The following PPP2R2B variants were observed in gnomAD, a reference collection of about 807,000 sequenced individuals.
The protein encoded by PPP2R2B is serine/threonine-protein phosphatase 2A 55 kDa regulatory subunit B beta isoform.
Under a neutral mutation model 46.0 loss-of-function variants are expected in PPP2R2B, and 5 were observed. That is an observed-to-expected ratio of 0.11 (90% confidence interval 0.06 to 0.23). The LOEUF (loss-of-function observed/expected upper bound fraction) is 0.23. Ranked by LOEUF, PPP2R2B falls within the 10% of genes least tolerant of loss-of-function variation. The pLI is 1.00. For synonymous variants in PPP2R2B, 215 were observed against 206.7 expected, an observed-to-expected ratio of 1.04 and a Z score of -0.34; for missense variants, 367 against 575.0, an observed-to-expected ratio of 0.64 and a Z score of 3.70.
chr5:146,845,681 A>G (rs609412), intron 2 of PPP2R2B, among the ~76,000 whole-genome samples: 54,217 of 152,096 alleles, frequency 0.36, 11,637 homozygotes, highest in East Asian at 0.59. Context: ...TCATGCTAAC[A>G]TAGTTGATGC....
chr5:146,808,191 C>T (rs1275877344), intron 2 of PPP2R2B, among the ~76,000 whole-genome samples: 7 of 152,048 alleles, frequency 4.6e-5, no homozygotes, highest in Admixed American at 2.0e-4. Flanking sequence ...AGGTTTGTGC[C>T]GTCCAATGGG....
intron 2 of PPP2R2B, chr5:146,706,892 G>A (rs1779895788): frequency 2.4e-6 from 3 of 1,270,228 alleles, no homozygotes; most frequent in African/African-American, 2.9e-5. Flanking sequence ...CACCACAGAC[G>A]TGTCCGAGAT....
At chr5:146,982,266 T>C (rs1753213729) in intron 1 of PPP2R2B, among the ~76,000 whole-genome samples, 1 of 152,216 alleles carries the variant, frequency 6.6e-6, no homozygotes, top group African/African-American at 2.4e-5. Flanking sequence ...GTTGTGTTTT[T>C]ATTTTCATTC....
In PPP2R2B at chr5:146,708,403, GTGTA is replaced by G. The variant is rs1301415166; in HGVS notation, c.71-7265_71-7262del. Among the ~76,000 whole-genome samples the G allele has an allele frequency of 7.1e-3, 830 of 117,296 alleles. 7 individuals are homozygous for G. The highest frequency in any genetic ancestry group is 0.026 in the African/African-American group (778 of 29,512). 77.0% of individuals were successfully genotyped at this position (117,296 alleles called of 152,430 possible). ...TATCTGTATATCTATGTATGTGTGT[GTGTA>G]TGTGTGTGTGTGTGTGTGTGTGTGT... is the stretch of plus-strand genomic sequence containing the variant. On this transcript the variant is annotated intron_variant, in intron 2 of 9. Coordinates refer to ENST00000394411, the MANE Select transcript of PPP2R2B (RefSeq NM_181675.4).
chr5:146,799,930 G>T (rs941791100), intron 2 of PPP2R2B, among the ~76,000 whole-genome samples: 1 of 152,042 alleles, frequency 6.6e-6, no homozygotes, highest in African/African-American at 2.4e-5. Context: ...ATGTCTCCAT[G>T]GTACTTCTCA....
At chr5:146,882,220 C>T (rs1261373957), upstream of PPP2R2B, among the ~76,000 whole-genome samples, 2 of 150,804 alleles carry the variant, frequency 1.3e-5, no homozygotes, top group East Asian at 2.0e-4. Flanking sequence ...GAGGTTGCAT[C>T]GCACCACTGC....
upstream of PPP2R2B, among the ~76,000 whole-genome samples, chr5:146,880,177 TTTTG>T (rs1303290771): frequency 3.4e-5 from 4 of 116,252 alleles, no homozygotes; most frequent in Non-Finnish European, 7.0e-5. Context: ...GACATAGTTA[TTTTG>T]TGTGTGTGTG....
At chr5:146,846,147 A>C (rs1391437353) in intron 2 of PPP2R2B, among the ~76,000 whole-genome samples, 1 of 152,098 alleles carries the variant, frequency 6.6e-6, no homozygotes, top group Admixed American at 6.5e-5. Context: ...TGGGAGGCTG[A>C]GGTGAGTGGA....
At chr5:146,707,207 T>G in intron 2 of PPP2R2B, 2 of 1,571,202 alleles carry the variant, frequency 1.3e-6, no homozygotes, top group Non-Finnish European at 1.7e-6. Flanking sequence ...ATGTTGTCCA[T>G]GTTGCTCCCA....
intron 7 of PPP2R2B, among the ~76,000 whole-genome samples, chr5:146,629,230 T>C (rs188468651): frequency 3.7e-4 from 57 of 152,280 alleles, no homozygotes; most frequent in African/African-American, 1.2e-3. Context: ...TCTGGACACA[T>C]CCAAAAGAGA....
At chr5:146,638,765 A>C (rs1039545714) in intron 6 of PPP2R2B, among the ~76,000 whole-genome samples, 21 of 152,252 alleles carry the variant, frequency 1.4e-4, no homozygotes, top group Admixed American at 1.4e-3. Context: ...TTCTCATTTT[A>C]TAATAATGAT....
intron 1 of PPP2R2B, among the ~76,000 whole-genome samples, chr5:147,027,083 T>C (rs1314212506): frequency 6.6e-6 from 1 of 152,118 alleles, no homozygotes; most frequent in Non-Finnish European, 1.5e-5. Context: ...ATTCACACAA[T>C]AGAATACTAT....
At chr5:146,916,643 T>C (rs1396323408) in intron 1 of PPP2R2B, among the ~76,000 whole-genome samples, 2 of 152,060 alleles carry the variant, frequency 1.3e-5, no homozygotes, top group East Asian at 1.9e-4. Flanking sequence ...TCTGAGTGAG[T>C]CCATACTCAC....
chr5:146,674,771 C>G (rs1194540675), intron 5 of PPP2R2B, among the ~76,000 whole-genome samples: 1 of 152,162 alleles, frequency 6.6e-6, no homozygotes, highest in Non-Finnish European at 1.5e-5. Flanking sequence ...TAGTTTACAT[C>G]TATTCTGAAG....
At chr5:146,911,514 A>C (rs1763182242) in intron 1 of PPP2R2B, among the ~76,000 whole-genome samples, 1 of 152,188 alleles carries the variant, frequency 6.6e-6, no homozygotes, top group African/African-American at 2.4e-5. Flanking sequence ...TTGGTTGGCA[A>C]TTTATCCTCA....
chr5:146,695,287 AT>A (rs1038866828), intron 4 of PPP2R2B, among the ~76,000 whole-genome samples: 6 of 151,308 alleles, frequency 4.0e-5, no homozygotes, highest in East Asian at 1.9e-4. Context: ...GTTTTTCTAT[AT>A]TTTTTTTTCC....
rs537864735 is a variant in PPP2R2B, at chr5:146,644,482, G to T, written c.625+6065C>A. Among the ~76,000 whole-genome samples, 21 of 152,158 alleles carry T rather than the reference G, an allele frequency of 1.4e-4. No homozygotes were observed. In the South Asian group the frequency reaches 4.2e-3, roughly 30 times the overall value. On this transcript the variant is annotated intron_variant, in intron 6 of 9. Transcript: ENST00000394411. ...CTACAATGAATACATATTAAACAAAGAAAACAATAAGCATTAAAAAATAGC... is the reference window on the plus strand; with the variant it reads ...CTACAATGAATACATATTAAACAAATAAAACAATAAGCATTAAAAAATAGC...
intron 1 of PPP2R2B, among the ~76,000 whole-genome samples, chr5:146,909,778 G>A (rs1195657973): frequency 6.6e-6 from 1 of 152,074 alleles, no homozygotes; most frequent in Non-Finnish European, 1.5e-5. Flanking sequence ...AGATTTAAGA[G>A]TCCCCAAGCT....
intron 7 of PPP2R2B, among the ~76,000 whole-genome samples, chr5:146,630,276 C>T (rs1414475719): frequency 2.6e-5 from 4 of 152,214 alleles, no homozygotes; most frequent in African/African-American, 9.7e-5. Context: ...AATTCAAAGG[C>T]TTTGCCACAT....
Sources: gnomAD v4.1 joint callset for allele counts (sites outside exome capture counted in the v4.1 genomes callset) on GRCh38, gnomAD v4.1.1 for gene constraint, MANE v1.5 for transcripts, NCBI Gene and HGNC (gene_info 2026-07-23, HGNC 2026-07-21) for gene names.